Variants in PTPRT observed in about 807,000 individuals in gnomAD.
The protein encoded by PTPRT is receptor-type tyrosine-protein phosphatase T.
A neutral mutation model predicts 176.8 loss-of-function variants in PTPRT; 56 were observed. The ratio of observed to expected loss-of-function variants is 0.32; its 90% CI spans 0.26 to 0.40. The LOEUF (loss-of-function observed/expected upper bound fraction) is 0.40, where lower values mean the gene tolerates loss of function less well. Ranked by LOEUF, PTPRT falls within the 10% of genes least tolerant of loss-of-function variation. The pLI, the probability that PTPRT is intolerant of heterozygous loss-of-function variation, is 1.00. For missense variants in PTPRT, 1,540 were observed against 1,908.2 expected (o/e 0.81, Z 3.60); for synonymous variants, 783 against 739.0 (o/e 1.06, Z -0.96).
intron 12 of PTPRT, among the ~76,000 whole-genome samples, chr20:42,285,350 A>G (rs2057212027): frequency 6.6e-6 from 1 of 152,052 alleles, no homozygotes; most frequent in South Asian, 2.1e-4. Context: ...CAACAAAAAA[A>G]GATTTTGAAA....
chr20:43,088,333 G>GTGT (rs1555829890), intron 1 of PTPRT, among the ~76,000 whole-genome samples: 1 of 142,848 alleles, frequency 7.0e-6, no homozygotes, highest in East Asian at 2.1e-4. Flanking sequence ...TTTGCTTTGG[G>GTGT]GTGTGTGTGT....
intron 2 of PTPRT, among the ~76,000 whole-genome samples, chr20:42,872,841 G>A (rs1300225218): frequency 2.0e-5 from 3 of 152,168 alleles, no homozygotes; most frequent in Non-Finnish European, 2.9e-5. Flanking sequence ...AGGAAGCCCA[G>A]AGAAAGGCAG....
the PTPRT span, among the ~76,000 whole-genome samples, chr20:42,045,935 C>G: frequency 6.6e-6 from 1 of 152,198 alleles, no homozygotes; most frequent in Non-Finnish European, 1.5e-5. Context: ...TCTATTTTAG[C>G]AATACACTAA....
chr20:42,778,999 G>A (rs948962624), intron 4 of PTPRT, among the ~76,000 whole-genome samples: 1 of 152,158 alleles, frequency 6.6e-6, no homozygotes, highest in African/African-American at 2.4e-5. Flanking sequence ...TTGGGAAAGA[G>A]GGTCTCTCCT....
At chr20:42,262,062 C>T (rs16986720) in intron 13 of PTPRT, among the ~76,000 whole-genome samples, 2,677 of 152,260 alleles carry the variant, frequency 0.018, 96 homozygotes, top group African/African-American at 0.062. Flanking sequence ...GCAACTAACC[C>T]GTGCAACGGT....
chr20:42,734,301 C>T (rs1266258983), intron 6 of PTPRT, among the ~76,000 whole-genome samples: 1 of 152,136 alleles, frequency 6.6e-6, no homozygotes, highest in East Asian at 1.9e-4. Context: ...AAGCCAGTTC[C>T]TCTCTGTAAA....
At chr20:42,936,393 T>G (rs1225886824) in intron 1 of PTPRT, among the ~76,000 whole-genome samples, 2 of 152,134 alleles carry the variant, frequency 1.3e-5, no homozygotes, top group East Asian at 3.9e-4. Context: ...GGGGCTGCAG[T>G]GGAGTGACAA....
chr20:42,322,957 A>G (rs949242812), intron 11 of PTPRT, among the ~76,000 whole-genome samples: 1 of 152,112 alleles, frequency 6.6e-6, no homozygotes, highest in South Asian at 2.1e-4. Flanking sequence ...AAGGACATGA[A>G]CAGACACTTC....
At position 43,189,309 on chromosome 20, in the gene PTPRT, A is replaced by G. The variant is rs2015477275; in HGVS notation, c.88+337T>C. ...GCCGCTCCTCGTCTCGCCGCCCCAA[A>G]CACTCAAGTGGCAGATTCCGACAAG... On this transcript the variant is annotated intron_variant, in intron 1 of 30. Coordinates refer to ENST00000373187, the MANE Select transcript of PTPRT (RefSeq NM_007050.6). This position sits in a 1 kb window ranked among gnomAD's most constrained non-coding sequence, Gnocchi z 5.0. Among the ~76,000 whole-genome samples the G allele has an allele frequency of 6.6e-6, 1 of 152,042 alleles. No individual in the cohort carries two copies. The highest frequency in any genetic ancestry group is 1.5e-5 in the Non-Finnish European group (1 of 67,980).
chr20:43,188,755 G>GC, intron 1 of PTPRT, among the ~76,000 whole-genome samples: 1 of 150,804 alleles, frequency 6.6e-6, no homozygotes, highest in South Asian at 2.1e-4. Flanking sequence ...CTCTTGGGGG[G>GC]GGGGGGGCTC....
chr20:42,619,786 C>T (rs2074153030), intron 7 of PTPRT, among the ~76,000 whole-genome samples: 1 of 130,622 alleles, frequency 7.7e-6, no homozygotes, highest in Non-Finnish European at 1.6e-5. Flanking sequence ...TGGTTTTCAG[C>T]TCCATCAGCT....
In PTPRT at chr20:42,472,531, G is replaced by A. The variant is rs748326349; in HGVS notation, c.1185C>T (p.Ile395=). ...DPVHGPQNVE[I]VDIRARQLTL... ...TCAGCTGCCGGGCTCTGATGTCTAC[G>A]ATTTCCACGTTCTGTGGGCCATGTA... Residue 395 remains isoleucine (I), a synonymous_variant, in exon 8 of 31, where the codon ATC becomes ATT. Transcript: ENST00000373187. 26 of 1,613,988 alleles carry A rather than the reference G, an allele frequency of 1.6e-5. No individual in the cohort carries two copies. The highest frequency in any genetic ancestry group is 3.3e-5 in the Admixed American group (2 of 60,014).
At position 43,157,509 on chromosome 20, in the gene PTPRT, G is replaced by A. The variant is rs536060642; in HGVS notation, c.88+32137C>T. On this transcript the variant is annotated intron_variant, in intron 1 of 30. Transcript: ENST00000373187. Reference sequence around the variant, plus strand: ...GACTCCCTCTGCAAGCCAACCCATAGCTGATTATGGTGGGAGGGAGTGGGC... The same window carrying A: ...GACTCCCTCTGCAAGCCAACCCATAACTGATTATGGTGGGAGGGAGTGGGC... 3.9e-5 allele frequency among the ~76,000 whole-genome samples: 6 copies of A among 152,306 alleles called. No homozygotes were observed. The South Asian group carries it at 1.2e-3, about 32-fold the overall frequency.
intron 7 of PTPRT, among the ~76,000 whole-genome samples, chr20:42,622,414 GT>G (rs2074216171): frequency 6.6e-6 from 1 of 152,046 alleles, no homozygotes; most frequent in African/African-American, 2.4e-5. Context: ...CTAATTTTTT[GT>G]ATTTTTAGTA....
At chr20:42,792,320 C>A (rs1020345374) in intron 2 of PTPRT, among the ~76,000 whole-genome samples, 6 of 152,166 alleles carry the variant, frequency 3.9e-5, no homozygotes, top group African/African-American at 1.4e-4. Context: ...GTGTGTCATG[C>A]AGCTTTATTG....
At chr20:42,743,780 T>C (rs2867554) in intron 6 of PTPRT, among the ~76,000 whole-genome samples, 9,172 of 152,306 alleles carry the variant, frequency 0.06, 419 homozygotes, top group East Asian at 0.18. Flanking sequence ...ATCGATTACA[T>C]TGGGAACCCA....
intron 1 of PTPRT, among the ~76,000 whole-genome samples, chr20:43,017,466 T>G (rs762415372): frequency 1.3e-5 from 2 of 152,198 alleles, no homozygotes; most frequent in Non-Finnish European, 2.9e-5. Context: ...CCGTGTGTGT[T>G]TGCACACCTT....
intron 1 of PTPRT, among the ~76,000 whole-genome samples, chr20:43,067,774 C>A (rs1055393159): frequency 2.6e-5 from 4 of 150,956 alleles, no homozygotes; most frequent in Admixed American, 2.6e-4. Context: ...CCAGCCTGGG[C>A]AACAGAGGGA....
intron 6 of PTPRT, among the ~76,000 whole-genome samples, chr20:42,738,377 T>C (rs959446868): frequency 5.9e-5 from 9 of 152,060 alleles, no homozygotes; most frequent in Non-Finnish European, 1.0e-4. Context: ...CCAGGCATGG[T>C]GGCAGGTGCC....
Sources: allele counts gnomAD v4.1 joint callset (sites outside exome capture counted in the v4.1 genomes callset), GRCh38; gene constraint gnomAD v4.1.1; non-coding constraint Gnocchi (gnomAD v3.1); transcripts MANE v1.5; gene names NCBI Gene and HGNC (gene_info 2026-07-23, HGNC 2026-07-21).